Variants in CRTAC1 observed in about 807,000 individuals in gnomAD.
CRTAC1 encodes the protein acidic secreted protein in cartilage.
Under a neutral mutation model 67.8 loss-of-function variants are expected in CRTAC1, and 37 were observed. The observed-to-expected ratio is 0.55, with a 90% CI of 0.42 to 0.72. CRTAC1 has a LOEUF of 0.72. CRTAC1 is among the 30% of genes least tolerant of loss of function. The probability of loss-of-function intolerance (pLI) is 0.00; values close to 1 mark genes in which losing one functional copy is unlikely to be tolerated. For synonymous variants in CRTAC1, 348 were observed against 371.0 expected (o/e 0.94, Z 0.71); for missense variants, 780 against 931.6 (o/e 0.84, Z 2.12).
At chr10:97,965,713 G>A (rs2051604072) in intron 2 of CRTAC1, among the ~76,000 whole-genome samples, 2 of 152,010 alleles carry the variant, frequency 1.3e-5, no homozygotes. Context: ...TATATTAATA[G>A]AGACATGTGT....
At position 97,970,427 on chromosome 10, in the gene CRTAC1, C is replaced by A. The variant is rs117530104; in HGVS notation, c.225-34061G>T. 3.8e-3 allele frequency among the ~76,000 whole-genome samples: 572 copies of A among 152,294 alleles called. 5 individuals are homozygous for A. The highest frequency in any genetic ancestry group is 7.0e-3 in the Non-Finnish European group (473 of 68,032). Reference sequence around the variant, plus strand: ...TTTCTTCTCACTCAGAGAAAGAAGCCAGACTGAGCAACCTGTCCTCAGGGC... The same window carrying A: ...TTTCTTCTCACTCAGAGAAAGAAGCAAGACTGAGCAACCTGTCCTCAGGGC... On this transcript the variant is annotated intron_variant, in intron 2 of 14. Transcript: ENST00000370597.
intron 5 of CRTAC1, among the ~76,000 whole-genome samples, 159 bp from the exon 6 acceptor site, chr10:97,908,306 G>A (rs2050643103): frequency 6.6e-6 from 1 of 152,100 alleles, no homozygotes; most frequent in African/African-American, 2.4e-5. Context: ...CCTAAATCTG[G>A]GCTCATGGTC....
At chr10:97,932,127 C>T (rs2051012714) in intron 3 of CRTAC1, among the ~76,000 whole-genome samples, 1 of 152,158 alleles carries the variant, frequency 6.6e-6, no homozygotes, top group Non-Finnish European at 1.5e-5. Context: ...CACTGGGCCC[C>T]CCATCTGCAC....
chr10:97,899,290 G>A (rs944634597), intron 8 of CRTAC1, among the ~76,000 whole-genome samples: 6 of 152,230 alleles, frequency 3.9e-5, no homozygotes, highest in African/African-American at 1.4e-4. Flanking sequence ...GCTGTGTGGA[G>A]GCAAACACAC....
chr10:98,001,549 TA>T (rs201280884), intron 2 of CRTAC1, among the ~76,000 whole-genome samples: 3,120 of 146,424 alleles, frequency 0.021, 67 homozygotes, highest in African/African-American at 0.052. Context: ...TATTAAAATG[TA>T]AAAAAAAAAA....
intron 2 of CRTAC1, among the ~76,000 whole-genome samples, chr10:97,970,117 T>G (rs1346746438): frequency 6.6e-6 from 1 of 151,962 alleles, no homozygotes; most frequent in East Asian, 1.9e-4. Context: ...AAGCTCCGAG[T>G]CTAACTGGAT....
chr10:97,866,384 T>TG (rs1026838145), intron 14 of CRTAC1: 3 of 152,050 alleles, frequency 2.0e-5, no homozygotes, highest in Admixed American at 6.5e-5. Context: ...AGGTGCTGGT[T>TG]GGGGGGCACA....
intron 2 of CRTAC1, among the ~76,000 whole-genome samples, chr10:97,983,286 A>G (rs1038553571): frequency 3.3e-5 from 5 of 152,020 alleles, no homozygotes; most frequent in Non-Finnish European, 7.3e-5. Context: ...GTGAGCACCT[A>G]CACTGTGCTT....
intron 9 of CRTAC1, among the ~76,000 whole-genome samples, chr10:97,896,230 A>G (rs117091666): frequency 0.015 from 2,303 of 152,160 alleles, 35 homozygotes; most frequent in Non-Finnish European, 0.02. Flanking sequence ...GTGTGTGCAA[A>G]TTACTCAGAC....
chr10:97,937,624 T>C (rs1303093900), intron 2 of CRTAC1, among the ~76,000 whole-genome samples: 1 of 152,232 alleles, frequency 6.6e-6, no homozygotes, highest in African/African-American at 2.4e-5. Flanking sequence ...TCAGAGCTCA[T>C]GTCTGAATCA....
chr10:97,921,426 T>C (rs529648782), intron 4 of CRTAC1, among the ~76,000 whole-genome samples: 96 of 152,358 alleles, frequency 6.3e-4, no homozygotes, highest in African/African-American at 2.3e-3. Context: ...GTTCAATTCC[T>C]GGCTTTGCCT....
intron 1 of CRTAC1, among the ~76,000 whole-genome samples, chr10:98,022,024 T>C (rs2136706166): frequency 6.6e-6 from 1 of 152,004 alleles, no homozygotes; most frequent in Admixed American, 6.6e-5. Context: ...CTACCAGGGG[T>C]GAGACACAAT....
chr10:97,904,540 TA>T (rs1444551925), intron 7 of CRTAC1, 128 bp downstream of exon 7: 1 of 805,448 alleles, frequency 1.2e-6, no homozygotes, highest in African/African-American at 1.8e-5. Flanking sequence ...GTGCCTCAGC[TA>T]CCGGAGTAGC....
intron 2 of CRTAC1, among the ~76,000 whole-genome samples, chr10:97,962,916 ACTT>A (rs1298258480): frequency 2.0e-5 from 3 of 151,576 alleles, no homozygotes; most frequent in African/African-American, 7.3e-5. Flanking sequence ...AAAAAACAAA[ACTT>A]CTTCTCTGAA....
At chr10:97,918,853 G>C (rs960196537) in intron 4 of CRTAC1, among the ~76,000 whole-genome samples, 2 of 149,194 alleles carry the variant, frequency 1.3e-5, no homozygotes, top group Non-Finnish European at 3.0e-5. Flanking sequence ...GTGTGATCTC[G>C]GCTCACTGCA....
rs777867503 is a variant in CRTAC1, at chr10:97,904,807, G to A, written c.858C>T (p.Asp286=). Residue 286 remains aspartate (D), a synonymous_variant, in exon 7 of 15, where the codon GAC becomes GAT. Transcript: ENST00000370597. The stretch of plus-strand genomic sequence containing the variant: ...CACCTCGCCCATGCTGGTGGGGGTC[G>A]TCCACACCTGGGGAGGAGAGGCAGG... The part of the protein sequence containing the change: ...FVDAAASAGV[D]DPHQHGRGVA... 56 of 1,595,668 alleles carry A rather than the reference G, an allele frequency of 3.5e-5. No homozygotes were observed. The highest frequency in any genetic ancestry group is 9.2e-5 in the East Asian group (4 of 43,676).
intron 13 of CRTAC1, among the ~76,000 whole-genome samples, chr10:97,881,372 G>A (rs942375362): frequency 5.9e-5 from 9 of 152,278 alleles, no homozygotes; most frequent in Admixed American, 5.2e-4. Context: ...TCAGCTCAGA[G>A]TCTTCCCCCC....
In CRTAC1 at chr10:97,865,559, G is replaced by A; in HGVS notation, c.1975C>T (p.Pro659Ser). Residue 659 changes from proline (P) to serine (S), a missense_variant, in exon 15 of 15, where the codon CCC becomes TCC. Pro to Ser is a moderately conservative substitution (Grantham distance 74, BLOSUM62 -1). Coordinates refer to ENST00000370597, the MANE Select transcript of CRTAC1 (RefSeq NM_018058.7). The stretch of plus-strand genomic sequence containing the variant: ...TGTCCCACCCCTGCTCAGCAGCTGG[G>A]CTCGCAGCTCTCCTTAACCACCGAC... ...LGSVVKESCEPSC is the reference protein window; with the variant it reads ...LGSVVKESCESSC 6.2e-7 allele frequency: 1 copy of A among 1,608,940 alleles called. No individual in the cohort carries two copies. Among genetic ancestry groups the A allele is most frequent in the Non-Finnish European group, 8.5e-7 (1 of 1,176,036 alleles).
intron 2 of CRTAC1, among the ~76,000 whole-genome samples, chr10:97,943,931 C>T (rs1409787659): frequency 6.6e-6 from 1 of 152,146 alleles, no homozygotes; most frequent in Admixed American, 6.5e-5. Context: ...GAGTATATTA[C>T]AAATTTTAAA....
Sources: gnomAD v4.1 joint callset for allele counts (sites outside exome capture counted in the v4.1 genomes callset) on GRCh38, gnomAD v4.1.1 for gene constraint, MANE v1.5 for transcripts, NCBI Gene and HGNC (gene_info 2026-07-23, HGNC 2026-07-21) for gene names.